Variants in CERS1 observed in about 807,000 individuals in gnomAD.
CERS1 encodes Embryonic growth/differentiation factor 1.
A neutral mutation model predicts 35.7 loss-of-function variants in CERS1; 16 were observed. The observed-to-expected ratio is 0.45, with a 90% CI of 0.30 to 0.68. The LOEUF (loss-of-function observed/expected upper bound fraction) is 0.68. Among genes scored for constraint, CERS1 ranks in the 30% least tolerant of loss-of-function variants. The pLI is 0.08. For missense variants in CERS1, 454 were observed against 453.9 expected (o/e 1.00, Z 0.00); for synonymous variants, 243 against 201.6 (o/e 1.21, Z -1.74).
chr19:18,890,589 C>T (rs2056464927), intron 2 of CERS1, among the ~76,000 whole-genome samples: 1 of 151,204 alleles, frequency 6.6e-6, no homozygotes, highest in Admixed American at 6.6e-5. Context: ...ACCAGCCTGG[C>T]CAACATAGTG....
intron 1 of CERS1, among the ~76,000 whole-genome samples, chr19:18,894,224 C>T (rs2056568775): frequency 8.6e-6 from 1 of 115,954 alleles, no homozygotes. Context: ...CTGCTGGCTC[C>T]AAGGCAGGGG....
At chr19:18,892,476 T>TGGTGGCGGGCGC (rs1226938196) in intron 2 of CERS1, among the ~76,000 whole-genome samples, 3 of 151,672 alleles carry the variant, frequency 2.0e-5, no homozygotes, top group Non-Finnish European at 4.4e-5. Context: ...TAGCCGGGCG[T>TGGTGGCGGGCGC]GGTGGCGGGC....
chr19:18,890,016 GC>G (rs2146058051), intron 2 of CERS1, among the ~76,000 whole-genome samples: 1 of 152,228 alleles, frequency 6.6e-6, no homozygotes, highest in Non-Finnish European at 1.5e-5. Flanking sequence ...CCTGCTGTCA[GC>G]CCCCTCCTGG....
intron 3 of CERS1, among the ~76,000 whole-genome samples, chr19:18,883,565 G>A (rs961774762): frequency 1.3e-5 from 2 of 152,134 alleles, no homozygotes; most frequent in African/African-American, 4.8e-5. Flanking sequence ...TAAAAGGGTG[G>A]ATAAGATATT....
intron 6 of CERS1, among the ~76,000 whole-genome samples, chr19:18,877,612 C>A (rs1051530787): frequency 8.6e-5 from 13 of 152,024 alleles, no homozygotes; most frequent in African/African-American, 3.1e-4. Flanking sequence ...GTTAGCACAG[C>A]ATGGTGGTGC....
intron 2 of CERS1, among the ~76,000 whole-genome samples, chr19:18,887,036 G>A (rs924156894): frequency 3.3e-5 from 5 of 152,174 alleles, no homozygotes; most frequent in South Asian, 4.1e-4. Context: ...AATGGAAAAC[G>A]GGGACTCAAA....
intron 3 of CERS1, among the ~76,000 whole-genome samples, chr19:18,880,823 G>C (rs1452065192): frequency 6.6e-6 from 1 of 151,960 alleles, no homozygotes; most frequent in Admixed American, 6.6e-5. Flanking sequence ...TCAGCCCCCG[G>C]AGAAGCTGGG....
In CERS1 at chr19:18,869,142, GC is replaced by G; in HGVS notation, c.*842del. 8 of 1,112,410 alleles carry G rather than the reference GC, an allele frequency of 7.2e-6. No homozygotes were observed. The highest frequency in any genetic ancestry group is 3.3e-5 in the South Asian group (1 of 30,628). 68.9% of individuals were successfully genotyped at this position (1,112,410 alleles called of 1,614,324 possible). A position where few individuals can be genotyped will look rare whatever the true frequency, so the allele number is the denominator to read the frequency against. ...CCCAGCAGCTCCGCGCGCACTGGCG[GC>G]CCCAGGGCGGGCACCAACTGGCGGA... On this transcript the variant is annotated 3_prime_UTR_variant, in exon 8 of 8. Transcript: ENST00000623882.
chr19:18,870,367 G>A lies in CERS1; in HGVS notation c.*210C>T, dbSNP rs2055946428. Reference sequence around the variant, plus strand: ...GTCCGCGGCGGCCCGGGACCAGTGGGCTGAGGGCGGGGCCGGTGTCCCCGG... The same window carrying A: ...GTCCGCGGCGGCCCGGGACCAGTGGACTGAGGGCGGGGCCGGTGTCCCCGG... On this transcript the variant is annotated 3_prime_UTR_variant, in exon 7 of 8. Transcript: ENST00000623882. This position sits in a 1 kb window ranked among gnomAD's most constrained non-coding sequence, Gnocchi z 5.1. 1 of 1,535,724 alleles carries A rather than the reference G, an allele frequency of 6.5e-7. No homozygotes were observed.
chr19:18,871,616 TCAAG>T (rs2055972655), intron 6 of CERS1, among the ~76,000 whole-genome samples: 1 of 152,184 alleles, frequency 6.6e-6, no homozygotes, highest in African/African-American at 2.4e-5. Context: ...ACTCCTGGGC[TCAAG>T]CAGTCAGCCC....
chr19:18,892,977 C>T (rs1405884802), intron 2 of CERS1, among the ~76,000 whole-genome samples: 57 of 152,000 alleles, frequency 3.8e-4, no homozygotes, highest in Admixed American at 3.7e-3. Context: ...AGTGCAGTGG[C>T]GCGAACTCGG....
intron 2 of CERS1, among the ~76,000 whole-genome samples, chr19:18,885,519 T>TTG (rs1189881815): frequency 7.6e-5 from 11 of 144,676 alleles, no homozygotes; most frequent in African/African-American, 2.9e-4. Flanking sequence ...TCGTTTTTTT[T>TTG]TTTTTTTTTT....
At position 18,879,344 on chromosome 19, in the gene CERS1, G is replaced by A. The variant is rs1245703626; in HGVS notation, c.797C>T (p.Ala266Val). Residue 266 changes from alanine to valine, a missense_variant, in exon 5 of 8, where the codon GCC becomes GTC. By Grantham distance (64) the Ala-to-Val change is moderately conservative. Transcript: ENST00000623882. Reference protein sequence around the residue: ...LYWFPLKVLYATSHCSLRTVP... With the variant: ...LYWFPLKVLYVTSHCSLRTVP... ...CGTGCGCAGACTGCAGTGACTGGTGGCATACAGGACCTTGAGCGGGAACCA... is the reference window on the plus strand; with the variant it reads ...CGTGCGCAGACTGCAGTGACTGGTGACATACAGGACCTTGAGCGGGAACCA... The A allele has an allele frequency of 6.9e-6, 11 of 1,600,046 alleles. No individual in the cohort carries two copies. In the African/African-American group the frequency reaches 1.1e-4, roughly 16 times the overall value.
At chr19:18,873,665 C>G (rs947501519) in intron 6 of CERS1, among the ~76,000 whole-genome samples, 1 of 151,656 alleles carries the variant, frequency 6.6e-6, no homozygotes, top group Non-Finnish European at 1.5e-5. Flanking sequence ...ATTGTGAAAC[C>G]TCATCTCTAC....
At chr19:18,871,953 T>G (rs2055978371) in intron 6 of CERS1, among the ~76,000 whole-genome samples, 1 of 152,176 alleles carries the variant, frequency 6.6e-6, no homozygotes, top group African/African-American at 2.4e-5. Context: ...CATCGACACC[T>G]TTGGTATAAG....
At position 18,878,828 on chromosome 19, in the gene CERS1, T is replaced by G; in HGVS notation, c.1010+102A>C. 6.6e-7 allele frequency: 1 copy of G among 1,518,214 alleles called. No individual in the cohort carries two copies. The highest frequency in any genetic ancestry group is 1.2e-5 in the South Asian group (1 of 80,992). The allele number at this position is 1,518,214 out of a possible 1,614,324, so 94.0% of individuals were successfully genotyped here. On this transcript the variant is annotated intron_variant, in intron 6 of 7. Transcript: ENST00000623882. This position sits in a 1 kb window ranked among gnomAD's most constrained non-coding sequence, Gnocchi z 4.6. The stretch of plus-strand genomic sequence containing the variant: ...GTAGGCTTGGGGGGCAGCATCCGCG[T>G]CGGCCTCATCTGCTGCTGGGTCTTG...
At position 18,870,626 on chromosome 19, in the gene CERS1, GT is replaced by G. The variant is rs1421634945; in HGVS notation, c.1011-8del. 1.8e-6 allele frequency: 1 copy of G among 569,736 alleles called. No homozygotes were observed. The highest frequency in any genetic ancestry group is 3.2e-6 in the Non-Finnish European group (1 of 314,968). 35.3% of individuals were successfully genotyped at this position (569,736 alleles called of 1,614,324 possible). A position where few individuals can be genotyped will look rare whatever the true frequency, so the allele number is the denominator to read the frequency against. Reference sequence around the variant, plus strand: ...GCCGTTCCTCAGTGGCTTCCTGGGGGTCAGAACCGGCGCAGGTTAGCCTGGG... The same window carrying G: ...GCCGTTCCTCAGTGGCTTCCTGGGGGCAGAACCGGCGCAGGTTAGCCTGGG... On this transcript the variant is annotated splice_region_variant and splice_polypyrimidine_tract_variant and intron_variant, in intron 6 of 7. Coordinates refer to ENST00000623882, the MANE Select transcript of CERS1 (RefSeq NM_021267.5). The surrounding 1 kb of genome is among the most constrained non-coding windows in gnomAD (Gnocchi z 5.1).
chr19:18,868,553 C>G lies in CERS1; in HGVS notation c.*1432G>C. 1.4e-6 allele frequency: 2 copies of G among 1,445,312 alleles called. No homozygotes were observed. The highest frequency in any genetic ancestry group is 1.9e-6 in the Non-Finnish European group (2 of 1,053,868). The allele number at this position is 1,445,312 out of a possible 1,614,324, so 89.5% of individuals were successfully genotyped here. On this transcript the variant is annotated 3_prime_UTR_variant, in exon 8 of 8. Coordinates refer to ENST00000623882, the MANE Select transcript of CERS1 (RefSeq NM_021267.5). Reference sequence around the variant, plus strand: ...GTCCAAGGAGACCAGCGGAGCAGACCACGCGGCATTTATTGTTGGGCCCGC... The same window carrying G: ...GTCCAAGGAGACCAGCGGAGCAGACGACGCGGCATTTATTGTTGGGCCCGC...
intron 6 of CERS1, among the ~76,000 whole-genome samples, chr19:18,873,573 G>C (rs553183529): frequency 1.3e-5 from 2 of 151,838 alleles, no homozygotes; most frequent in Admixed American, 6.6e-5. Flanking sequence ...CATGGTGGCT[G>C]ATACCTGTAA....
Sources: gnomAD v4.1 joint callset for allele counts (sites outside exome capture counted in the v4.1 genomes callset) on GRCh38, gnomAD v4.1.1 for gene constraint, Gnocchi (gnomAD v3.1) non-coding constraint, MANE v1.5 for transcripts, NCBI Gene and HGNC (gene_info 2026-07-23, HGNC 2026-07-21) for gene names.